MRE11: variants seen among roughly 807,000 people sequenced by gnomAD.
MRE11 encodes the protein double-strand break repair protein MRE11.
A neutral mutation model predicts 91.7 loss-of-function variants in MRE11; 62 were observed. The ratio of observed to expected loss-of-function variants is 0.68; its 90% CI spans 0.55 to 0.84. MRE11 has a LOEUF of 0.84. MRE11 is among the 40% of genes least tolerant of loss of function. The pLI is 0.00. For missense variants in MRE11, 796 were observed against 852.9 expected (o/e 0.93, Z 0.83); for synonymous variants, 273 against 271.4 (o/e 1.01, Z -0.06).
the MRE11 span, among the ~76,000 whole-genome samples, chr11:94,507,554 A>T: frequency 1.3e-5 from 2 of 152,210 alleles, no homozygotes; most frequent in Non-Finnish European, 2.9e-5. Flanking sequence ...ACAGTTCTCC[A>T]AAGTAGTTCT....
At chr11:94,445,489 T>C (rs1187394271) in intron 16 of MRE11, among the ~76,000 whole-genome samples, 6 of 152,114 alleles carry the variant, frequency 3.9e-5, no homozygotes, top group African/African-American at 1.4e-4. Flanking sequence ...TTTGTATTTT[T>C]AGTAGAGACC....
chr11:94,441,210 C>T (rs778292753), intron 16 of MRE11, among the ~76,000 whole-genome samples: 6 of 152,154 alleles, frequency 3.9e-5, no homozygotes, highest in Non-Finnish European at 7.4e-5. Flanking sequence ...CCCCTAAGTT[C>T]GCTTTGGAAT....
rs141293060 is a variant in MRE11, at chr11:94,460,976, A to G, written c.1286T>C (p.Val429Ala). ...AAAGTACTGTTTTACAAGATCTTCT[A>G]CCCTTAAAGTTGTTCCTTCTGAAGG... ...TKPSEGTTLR[V>A]EDLVKQYFQT... Residue 429 changes from valine (V) to alanine (A), a missense_variant, in exon 12 of 20, where the codon GTA (valine) becomes GCA (alanine). Physicochemically the swap from Val to Ala is moderately conservative, Grantham distance 64. Coordinates refer to ENST00000323929, the MANE Select transcript of MRE11 (RefSeq NM_005591.4). 81 of 1,613,758 alleles carry G rather than the reference A, an allele frequency of 5.0e-5. No individual in the cohort carries two copies. In the African/African-American group the frequency reaches 8.1e-4, roughly 16 times the overall value.
chr11:94,424,139 G>A (rs999712053), intron 19 of MRE11, among the ~76,000 whole-genome samples: 2 of 152,342 alleles, frequency 1.3e-5, no homozygotes, highest in Middle Eastern at 6.8e-3. Flanking sequence ...GAGCACGGCT[G>A]TGAACACACA....
At chr11:94,492,531 G>C (rs1947310847) in intron 2 of MRE11, 1 of 656,814 alleles carries the variant, frequency 1.5e-6, no homozygotes, top group Admixed American at 2.9e-5. Flanking sequence ...TGAAGCCTAA[G>C]AACATAAACA....
chr11:94,491,534 T>C (rs1359845743), intron 2 of MRE11, among the ~76,000 whole-genome samples: 3 of 152,220 alleles, frequency 2.0e-5, no homozygotes, highest in Non-Finnish European at 4.4e-5. Context: ...GAAGTAGCAA[T>C]GTAATAGTTA....
At chr11:94,449,792 T>C (rs1946048008) in intron 14 of MRE11, among the ~76,000 whole-genome samples, 2 of 152,226 alleles carry the variant, frequency 1.3e-5, no homozygotes, top group African/African-American at 4.8e-5. Flanking sequence ...TACTGAATAC[T>C]GCAGGCAATT....
At chr11:94,452,356 A>C (rs988305470) in intron 14 of MRE11, among the ~76,000 whole-genome samples, 4 of 152,156 alleles carry the variant, frequency 2.6e-5, no homozygotes, top group Admixed American at 1.3e-4. Flanking sequence ...TGAAAACAAC[A>C]GTAGGAAATA....
intron 16 of MRE11, among the ~76,000 whole-genome samples, chr11:94,444,882 A>G (rs1945881860): frequency 6.6e-6 from 1 of 151,894 alleles, no homozygotes; most frequent in African/African-American, 2.4e-5. Context: ...CAAATAACTG[A>G]TAATATAAAT....
At chr11:94,438,478 T>A (rs13447710) in intron 16 of MRE11, among the ~76,000 whole-genome samples, 24,690 of 152,138 alleles carry the variant, frequency 0.16, 2,576 homozygotes, top group African/African-American at 0.29. Context: ...TTTTTTCACA[T>A]CCTACTCTAC....
At chr11:94,493,048 T>C in intron 1 of MRE11, 142 bp from the exon 2 acceptor site, 1 of 559,876 alleles carries the variant, frequency 1.8e-6, no homozygotes. Flanking sequence ...GCACCCACTA[T>C]ACTTTTTTTT....
Position 94,416,434 on chromosome 11 carries a change from C to T in MRE11, c.*3691G>A, listed in dbSNP as rs1945032640. 6.6e-6 allele frequency: 1 copy of T among 152,100 alleles called. No homozygotes were observed. The highest frequency in any genetic ancestry group is 1.5e-5 in the Non-Finnish European group (1 of 68,010). The allele number at this position is 152,100 out of a possible 1,614,324, so 9.4% of individuals were successfully genotyped here. A position where few individuals can be genotyped will look rare whatever the true frequency, so the allele number is the denominator to read the frequency against. On this transcript the variant is annotated 3_prime_UTR_variant, in exon 20 of 20. Coordinates refer to ENST00000323929, the MANE Select transcript of MRE11 (RefSeq NM_005591.4). ...AAGTACTAAAAGAAAATGAAACAGG[C>T]AAATGATGAAATGTGGATCTTTTTC...
chr11:94,490,705 TATATTG>T, intron 3 of MRE11, 122 bp downstream of exon 3: 1 of 1,045,156 alleles, frequency 9.6e-7, no homozygotes, highest in Non-Finnish European at 1.5e-6. Flanking sequence ...GAGCTTTCAG[TATATTG>T]ATATTCAAGC....
chr11:94,484,424 G>T (rs116467518), intron 4 of MRE11, among the ~76,000 whole-genome samples: 4 of 152,116 alleles, frequency 2.6e-5, no homozygotes, highest in African/African-American at 9.7e-5. Flanking sequence ...CAGAAAAGTC[G>T]CACAGCCTCA....
At chr11:94,470,295 TA>T (rs903518036) in intron 9 of MRE11, among the ~76,000 whole-genome samples, 175 bp downstream of exon 9, 248 of 147,424 alleles carry the variant, frequency 1.7e-3, no homozygotes, top group African/African-American at 5.2e-3. Context: ...CTCAATGACT[TA>T]AAAAAAAAAA....
At chr11:94,452,196 C>CAAAAA (rs35238737) in intron 14 of MRE11, among the ~76,000 whole-genome samples, 3 of 94,546 alleles carry the variant, frequency 3.2e-5, no homozygotes, top group African/African-American at 1.2e-4. Context: ...GACTTTGCCT[C>CAAAAA]AAAAAAAAAA....
chr11:94,470,805 A>G (rs952032825), intron 8 of MRE11, among the ~76,000 whole-genome samples, 163 bp from the exon 9 acceptor site: 1 of 152,120 alleles, frequency 6.6e-6, no homozygotes, highest in Non-Finnish European at 1.5e-5. Flanking sequence ...TTATCATCAC[A>G]GGAAAAGATG....
At position 94,486,068 on chromosome 11, in the gene MRE11, A is replaced by G. The variant is rs951805101; in HGVS notation, c.170T>C (p.Leu57Ser). The G allele has an allele frequency of 6.2e-7, 1 of 1,613,830 alleles. No homozygotes were observed. Among genetic ancestry groups the G allele is most frequent in the Non-Finnish European group, 8.5e-7 (1 of 1,179,880 alleles). Residue 57 changes from leucine to serine, a missense_variant, in exon 4 of 20, where the codon TTA becomes TCA. Physicochemically the swap from Leu to Ser is moderately radical, Grantham distance 145 (BLOSUM62 -2). Coordinates refer to ENST00000323929, the MANE Select transcript of MRE11 (RefSeq NM_005591.4). Reference sequence around the variant, plus strand: ...ATTTTCATGAAAAAGATCACCACCTAACAAAATAAAATCCACCTGATCAAC... The same window carrying G: ...ATTTTCATGAAAAAGATCACCACCTGACAAAATAAAATCCACCTGATCAAC... ...AQENEVDFIL[L>S]GGDLFHENKP...
At chr11:94,488,625 A>G (rs1032862981) in intron 3 of MRE11, among the ~76,000 whole-genome samples, 14 of 152,236 alleles carry the variant, frequency 9.2e-5, no homozygotes, top group Middle Eastern at 3.2e-3. Context: ...TGCAGCTATT[A>G]AAAAGAACCA....
Sources: allele counts gnomAD v4.1 joint callset (sites outside exome capture counted in the v4.1 genomes callset), GRCh38; gene constraint gnomAD v4.1.1; transcripts MANE v1.5; gene names NCBI Gene and HGNC (gene_info 2026-07-23, HGNC 2026-07-21).